Variants in RICTOR observed in about 807,000 individuals in gnomAD.
The protein encoded by RICTOR is rapamycin-insensitive companion of mTOR.
Under a neutral mutation model 214.9 loss-of-function variants are expected in RICTOR, and 49 were observed. The observed-to-expected ratio is 0.23, with a 90% CI of 0.18 to 0.29. The LOEUF (loss-of-function observed/expected upper bound fraction) is 0.29. RICTOR is among the 10% of genes least tolerant of loss of function. RICTOR has a pLI of 1.00. For synonymous variants in RICTOR, 717 were observed against 711.3 expected (o/e 1.01, Z -0.13); for missense variants, 1,625 against 2,047.0 (o/e 0.79, Z 3.98).
chr5:39,038,543 G>A (rs1335440681), intron 2 of RICTOR, among the ~76,000 whole-genome samples: 1 of 152,206 alleles, frequency 6.6e-6, no homozygotes, highest in Non-Finnish European at 1.5e-5. Flanking sequence ...CCTGTTTGCA[G>A]ATGATATGAT....
At chr5:39,028,872 C>T (rs1010000187) in intron 2 of RICTOR, among the ~76,000 whole-genome samples, 6 of 151,934 alleles carry the variant, frequency 3.9e-5, no homozygotes, top group African/African-American at 4.8e-5. Flanking sequence ...CACTCCAGCT[C>T]GGGTGCCAGA....
At chr5:38,957,765 G>A in intron 24 of RICTOR, 35 bp from the exon 25 acceptor site, 1 of 1,183,754 alleles carries the variant, frequency 8.4e-7, no homozygotes, top group Non-Finnish European at 1.2e-6. Flanking sequence ...TTAACATTGA[G>A]TCTGGCAAAA....
chr5:39,035,170 C>T (rs2150157440), intron 2 of RICTOR, among the ~76,000 whole-genome samples: 1 of 152,306 alleles, frequency 6.6e-6, no homozygotes, highest in South Asian at 2.1e-4. Flanking sequence ...TCACCAATAT[C>T]CACTGTTCTG....
At chr5:38,975,487 C>T (rs1561482196) in intron 10 of RICTOR, 50 bp downstream of exon 10, 1 of 1,223,882 alleles carries the variant, frequency 8.2e-7, no homozygotes, top group Admixed American at 1.7e-5. Context: ...TTTGAAAAAG[C>T]AGTCTAGTTT....
chr5:38,987,376 TATTA>T (rs1203822172), intron 7 of RICTOR, among the ~76,000 whole-genome samples: 1 of 152,184 alleles, frequency 6.6e-6, no homozygotes, highest in African/African-American at 2.4e-5. Context: ...GTTGGTAGAC[TATTA>T]ATTACTGCCT....
chr5:39,040,015 C>A (rs1367352590), intron 2 of RICTOR, among the ~76,000 whole-genome samples: 1 of 152,072 alleles, frequency 6.6e-6, no homozygotes, highest in Non-Finnish European at 1.5e-5. Flanking sequence ...GACACATGCA[C>A]ACGTATGTTT....
chr5:39,034,214 T>C (rs1756485545), intron 2 of RICTOR, among the ~76,000 whole-genome samples: 1 of 152,268 alleles, frequency 6.6e-6, no homozygotes, highest in African/African-American at 2.4e-5. Context: ...TATTATATAC[T>C]GTAACTGTCA....
intron 31 of RICTOR, 113 bp from the exon 32 acceptor site, chr5:38,947,554 T>C (rs990676166): frequency 1.7e-5 from 12 of 724,782 alleles, no homozygotes; most frequent in Non-Finnish European, 2.5e-5. Flanking sequence ...TAGTCATGTA[T>C]TAAGCAGTGT....
Position 38,990,616 on chromosome 5 carries a change from C to T in RICTOR, c.583+333G>A, listed in dbSNP as rs1348337648. 5.8e-4 allele frequency among the ~76,000 whole-genome samples: 46 copies of T among 78,958 alleles called. 4 individuals carry two copies. The highest frequency in any genetic ancestry group is 1.1e-3 in the African/African-American group (22 of 19,728). 51.8% of individuals were successfully genotyped at this position (78,958 alleles called of 152,430 possible). A position where few individuals can be genotyped will look rare whatever the true frequency, so the allele number is the denominator to read the frequency against. On this transcript the variant is annotated intron_variant, in intron 7 of 37. Transcript: ENST00000357387. ...ATATACGATATATATGATATATATA[C>T]GATATATGATATATATATCTGACAT...
At chr5:39,022,694 G>C (rs1038809956) in intron 2 of RICTOR, 8 of 152,280 alleles carry the variant, frequency 5.3e-5, no homozygotes, top group African/African-American at 1.7e-4. Flanking sequence ...TCCAAGAAAT[G>C]ACACAGGAAC....
intron 2 of RICTOR, among the ~76,000 whole-genome samples, chr5:39,050,308 C>T (rs1757756833): frequency 6.6e-6 from 1 of 151,750 alleles, no homozygotes; most frequent in East Asian, 1.9e-4. Flanking sequence ...TTAGATAATA[C>T]AAAGAACTTA....
chr5:38,994,313 A>G (rs1215822931), intron 6 of RICTOR, among the ~76,000 whole-genome samples: 2 of 151,656 alleles, frequency 1.3e-5, no homozygotes, highest in East Asian at 3.9e-4. Context: ...CTGTGTATAC[A>G]CAAATATTCC....
intron 15 of RICTOR, among the ~76,000 whole-genome samples, chr5:38,965,192 A>G (rs888542778): frequency 6.6e-6 from 1 of 151,986 alleles, no homozygotes; most frequent in African/African-American, 2.4e-5. Context: ...CTTAAATGCC[A>G]GAAGGGATTA....
intron 26 of RICTOR, 134 bp from the exon 27 acceptor site, chr5:38,954,995 C>T: frequency 2.1e-6 from 1 of 484,924 alleles, no homozygotes; most frequent in South Asian, 3.3e-5. Context: ...ATGAAAGTAA[C>T]AAGGAATGAG....
intron 26 of RICTOR, 145 bp from the exon 27 acceptor site, chr5:38,955,006 G>T (rs1204137593): frequency 6.4e-6 from 3 of 466,932 alleles, no homozygotes; most frequent in African/African-American, 4.1e-5. Context: ...AAGGAATGAG[G>T]ATTTCTCAGG....
At chr5:39,038,680 A>C (rs1415189151) in intron 2 of RICTOR, among the ~76,000 whole-genome samples, 1 of 152,168 alleles carries the variant, frequency 6.6e-6, no homozygotes. Context: ...CCAATAACAG[A>C]CAGACAGCCA....
rs769803212 is a variant in RICTOR, at chr5:38,952,454, T to C, written c.2898-29A>G. The C allele has an allele frequency of 3.5e-6, 5 of 1,420,484 alleles. No homozygotes were observed. In the Middle Eastern group the frequency reaches 5.3e-4, roughly 151 times the overall value. The allele number at this position is 1,420,484 out of a possible 1,614,324, so 88.0% of individuals were successfully genotyped here. A position where few individuals can be genotyped will look rare whatever the true frequency, so the allele number is the denominator to read the frequency against. Reference sequence around the variant, plus strand: ...TATATAAAAGATGCAGTAAAAACAGTTATAATTCCAAGCTGAGATTTCTTA... The same window carrying C: ...TATATAAAAGATGCAGTAAAAACAGCTATAATTCCAAGCTGAGATTTCTTA... On this transcript the variant is annotated intron_variant, in intron 29 of 37. Transcript: ENST00000357387.
chr5:38,948,681 A>C (rs1012270674), intron 31 of RICTOR, among the ~76,000 whole-genome samples: 1 of 152,098 alleles, frequency 6.6e-6, no homozygotes, highest in Non-Finnish European at 1.5e-5. Flanking sequence ...GATTTGTAAC[A>C]GTGAGCTGTT....
chr5:38,949,358 GA>G, intron 31 of RICTOR: 2 of 1,567,396 alleles, frequency 1.3e-6, no homozygotes, highest in South Asian at 1.2e-5. Flanking sequence ...TGACCTACCT[GA>G]AAAGGTTGTT....
Sources: gnomAD v4.1 joint callset for allele counts (sites outside exome capture counted in the v4.1 genomes callset) on GRCh38, gnomAD v4.1.1 for gene constraint, MANE v1.5 for transcripts, NCBI Gene and HGNC (gene_info 2026-07-23, HGNC 2026-07-21) for gene names.